Variants in STAC2 observed in about 807,000 individuals in gnomAD.
STAC2 encodes the protein SH3 and cysteine-rich domain-containing protein 2.
STAC2 carries 36 observed loss-of-function variants against 49.0 expected under a neutral mutation model. The ratio of observed to expected loss-of-function variants is 0.74; its 90% CI spans 0.56 to 0.97. STAC2 has a LOEUF of 0.97. Ranked by LOEUF, STAC2 falls within the 50% of genes least tolerant of loss-of-function variation. The pLI is 0.00. For synonymous variants in STAC2, 239 were observed against 214.7 expected (o/e 1.11, Z -0.99); for missense variants, 527 against 543.8 (o/e 0.97, Z 0.31).
In STAC2 at chr17:39,217,906, G is replaced by A. The variant is rs374888495; in HGVS notation, c.358C>T (p.Arg120Ter). The change falls in exon 2 of 11, where the codon CGA becomes TGA. Residue 120 changes from arginine to a stop codon, truncating the protein, a stop_gained. Transcript: ENST00000333461. LOFTEE classifies it high-confidence loss of function. The part of the protein sequence containing the change: ...LHSFQEHVFK[R>*]ASPCELCHQL... ...TGGCACAGCTCACAAGGGCTAGCTC[G>A]CTTGAAGACATGTTCCTGGAAGCTG... 15 of 1,607,026 alleles carry A rather than the reference G, an allele frequency of 9.3e-6. No homozygotes were observed. Among genetic ancestry groups the A allele is most frequent in the East Asian group, 2.2e-5 (1 of 44,608 alleles).
chr17:39,225,818 C>T lies in STAC2; in HGVS notation c.-316G>A, dbSNP rs2046509159. On this transcript the variant is annotated 5_prime_UTR_variant, in exon 1 of 11. Coordinates refer to ENST00000333461, the MANE Select transcript of STAC2 (RefSeq NM_198993.5). This position sits in a 1 kb window ranked among gnomAD's most constrained non-coding sequence, Gnocchi z 8.2. The stretch of plus-strand genomic sequence containing the variant: ...CGCGGGGATGAGCCGAGGGAGGGAG[C>T]CAAGGAGCTGTCCGTGTCCAGCCGG... 2 of 362,084 alleles carry T rather than the reference C, an allele frequency of 5.5e-6. No homozygotes were observed. Among genetic ancestry groups the T allele is most frequent in the Non-Finnish European group, 5.1e-6 (1 of 196,338 alleles). The allele number at this position is 362,084 out of a possible 1,614,324, so 22.4% of individuals were successfully genotyped here.
intron 1 of STAC2, among the ~76,000 whole-genome samples, chr17:39,223,361 C>G (rs2046480124): frequency 6.6e-6 from 1 of 152,206 alleles, no homozygotes; most frequent in South Asian, 2.1e-4. Context: ...CCCGACCCAA[C>G]CCACAGCCCA....
rs574017393 is a variant in STAC2, at chr17:39,217,985, G to T, written c.279C>A (p.Pro93=). 1.3e-6 allele frequency: 2 copies of T among 1,587,184 alleles called. No individual in the cohort carries two copies. Among genetic ancestry groups the T allele is most frequent in the African/African-American group, 1.3e-5 (1 of 74,606 alleles). ...ASDRGLATPS[P]SPCPVPRPLA... ...GGGGGCGTGGGACTGGGCATGGGGA[G>T]GGGGATGGGGTAGCCAGGCCCCTGT... Residue 93 remains proline (P), a synonymous_variant, in exon 2 of 11, where the codon CCC becomes CCA. Transcript: ENST00000333461.
Position 39,212,312 on chromosome 17 carries a change from C to T in STAC2, c.1216G>A (p.Asp406Asn), listed in dbSNP as rs571015047. 9 of 1,610,924 alleles carry T rather than the reference C, an allele frequency of 5.6e-6. No individual in the cohort carries two copies. Among genetic ancestry groups the T allele is most frequent in the South Asian group, 2.2e-5 (2 of 90,284 alleles). ...TCCTCTCAGATCTCAGTCAGGGCGT[C>T]GACTGGCACCAGGCCCCGCTTCTTG... ...SGKKRGLVPV[D>N]ALTEI The change falls in exon 11 of 11, where the codon GAC becomes AAC. Residue 406 changes from aspartate to asparagine, a missense_variant. Physicochemically the swap from Asp to Asn is conservative, Grantham distance 23. Coordinates refer to ENST00000333461, the MANE Select transcript of STAC2 (RefSeq NM_198993.5).
chr17:39,217,050 C>A, intron 3 of STAC2, 26 bp downstream of exon 3: 1 of 1,613,010 alleles, frequency 6.2e-7, no homozygotes, highest in Non-Finnish European at 8.5e-7. Flanking sequence ...ACTCAGCTGG[C>A]CATCTCTGCC....
At chr17:39,212,924 C>T in intron 10 of STAC2, 71 bp downstream of exon 10, 1 of 1,585,268 alleles carries the variant, frequency 6.3e-7, no homozygotes, top group Non-Finnish European at 8.6e-7. Flanking sequence ...TTTACCCCCG[C>T]ACCGCAGCCT....
chr17:39,214,744 C>G (rs771770815), intron 7 of STAC2, 47 bp downstream of exon 7: 2 of 1,601,234 alleles, frequency 1.2e-6, no homozygotes, highest in South Asian at 2.2e-5. Flanking sequence ...AGAAATTACA[C>G]CCGCTTCCCA....
rs1338137989 is a variant in STAC2 at position 39,224,257 on chromosome 17, C to T, written c.90+1156G>A. On this transcript the variant is annotated intron_variant, in intron 1 of 10. Transcript: ENST00000333461. The stretch of plus-strand genomic sequence containing the variant: ...TCCGGAGCCCAGGCTCCCATCATTT[C>T]TGGTCCTCACTGTCCCCTTTCGCCT... Among the ~76,000 whole-genome samples the T allele has an allele frequency of 2.0e-5, 3 of 152,348 alleles. No individual in the cohort carries two copies. In the East Asian group the frequency reaches 5.8e-4, roughly 29 times the overall value.
chr17:39,219,939 C>T (rs979313960), intron 1 of STAC2, among the ~76,000 whole-genome samples: 1 of 152,186 alleles, frequency 6.6e-6, no homozygotes, highest in Non-Finnish European at 1.5e-5. Context: ...GCCTGGCCAC[C>T]CTGCCAAGGG....
Position 39,214,982 on chromosome 17 carries a change from G to A in STAC2, c.741C>T (p.Ile247=). 6.2e-7 allele frequency: 1 copy of A among 1,614,070 alleles called. No homozygotes were observed. Residue 247 remains isoleucine (I), a synonymous_variant, in exon 6 of 11, where the codon ATC becomes ATT. Transcript: ENST00000333461. The part of the protein sequence containing the change: ...DELTEDGEGS[I]RSSEEGPGDS... The stretch of plus-strand genomic sequence containing the variant: ...CACCAGGCCCCTCCTCAGAGCTGCG[G>A]ATGCTGCCTTCCCCATCCTCGGTCA...
intron 1 of STAC2, among the ~76,000 whole-genome samples, chr17:39,221,944 T>G: frequency 6.6e-6 from 1 of 152,178 alleles, no homozygotes. Flanking sequence ...CAAGAGTTGG[T>G]CACCTCTTGT....
At chr17:39,218,260 GGCGGCAGCAGCA>G in intron 1 of STAC2, 87 bp from the exon 2 acceptor site, 2 of 1,411,346 alleles carry the variant, frequency 1.4e-6, no homozygotes, top group Non-Finnish European at 2.0e-6. Context: ...TGGCGGTAGG[GGCGGCAGCAGCA>G]GCAGCAGCAG....
Position 39,225,163 on chromosome 17 carries a change from A to G in STAC2, c.90+250T>C, listed in dbSNP as rs757835000. On this transcript the variant is annotated intron_variant, in intron 1 of 10. Transcript: ENST00000333461. This position sits in a 1 kb window ranked among gnomAD's most constrained non-coding sequence, Gnocchi z 8.2. Reference sequence around the variant, plus strand: ...CGGCCTCGCTGCGCCCATCTCTCCAACGAAGACCAGTGGCCGCCTCCCCAG... The same window carrying G: ...CGGCCTCGCTGCGCCCATCTCTCCAGCGAAGACCAGTGGCCGCCTCCCCAG... Among the ~76,000 whole-genome samples the G allele has an allele frequency of 6.6e-6, 1 of 152,104 alleles. No individual in the cohort carries two copies. The highest frequency in any genetic ancestry group is 1.5e-5 in the Non-Finnish European group (1 of 67,992).
chr17:39,225,573 C>G lies in STAC2; in HGVS notation c.-71G>C. 7.1e-7 allele frequency: 1 copy of G among 1,408,358 alleles called. No individual in the cohort carries two copies. The highest frequency in any genetic ancestry group is 9.9e-7 in the Non-Finnish European group (1 of 1,011,040). 87.2% of individuals were successfully genotyped at this position (1,408,358 alleles called of 1,614,324 possible). A position where few individuals can be genotyped will look rare whatever the true frequency, so the allele number is the denominator to read the frequency against. ...CCCACCGCGGGCAGGCTGCGGGTGG[C>G]GGGCGTCTCCGGGACTCTGAAGCCG... On this transcript the variant is annotated 5_prime_UTR_variant, in exon 1 of 11. Coordinates refer to ENST00000333461, the MANE Select transcript of STAC2 (RefSeq NM_198993.5). This position sits in a 1 kb window ranked among gnomAD's most constrained non-coding sequence, Gnocchi z 8.2.
At chr17:39,221,364 G>A (rs540474038) in intron 1 of STAC2, among the ~76,000 whole-genome samples, 45 of 152,280 alleles carry the variant, frequency 3.0e-4, no homozygotes, top group Non-Finnish European at 4.6e-4. Flanking sequence ...CTCCCAAAGT[G>A]CTGGGATTAC....
Position 39,225,304 on chromosome 17 carries a change from G to T in STAC2, c.90+109C>A, listed in dbSNP as rs1400358291. ...AGCGGCGCGGAGCCTCAGTGGTCAC[G>T]CGGGCCTCGCGACCGCGACCCTAGG... On this transcript the variant is annotated intron_variant, in intron 1 of 10. Transcript: ENST00000333461. The surrounding 1 kb of genome is among the most constrained non-coding windows in gnomAD (Gnocchi z 8.2). 1.0e-4 allele frequency: 89 copies of T among 884,602 alleles called. No homozygotes were observed. Among genetic ancestry groups the T allele is most frequent in the Non-Finnish European group, 1.4e-4 (83 of 609,848 alleles). The allele number at this position is 884,602 out of a possible 1,614,324, so 54.8% of individuals were successfully genotyped here. A position where few individuals can be genotyped will look rare whatever the true frequency, so the allele number is the denominator to read the frequency against.
In STAC2 at chr17:39,225,393, C is replaced by A. The variant is rs531456715; in HGVS notation, c.90+20G>T. 3 of 1,591,078 alleles carry A rather than the reference C, an allele frequency of 1.9e-6. No individual in the cohort carries two copies. The highest frequency in any genetic ancestry group is 2.7e-5 in the African/African-American group (2 of 72,960). ...CGCCCGGGCCCGGGGCGCGGACAGG[C>A]CTTGCGCCCCCCAAGTTACCTTGGT... On this transcript the variant is annotated intron_variant, in intron 1 of 10. Transcript: ENST00000333461. This position sits in a 1 kb window ranked among gnomAD's most constrained non-coding sequence, Gnocchi z 8.2.
At position 39,225,718 on chromosome 17, in the gene STAC2, G is replaced by T. The variant is rs180780608; in HGVS notation, c.-216C>A. The stretch of plus-strand genomic sequence containing the variant: ...GGCCACCACGCTGAGCCGCAGGAGC[G>T]GGACGACCCCGGGCGCGAGGACCGA... On this transcript the variant is annotated 5_prime_UTR_variant, in exon 1 of 11. Coordinates refer to ENST00000333461, the MANE Select transcript of STAC2 (RefSeq NM_198993.5). The surrounding 1 kb of genome is among the most constrained non-coding windows in gnomAD (Gnocchi z 8.2). 3.1e-5 allele frequency: 18 copies of T among 584,286 alleles called. No individual in the cohort carries two copies. Among genetic ancestry groups the T allele is most frequent in the Non-Finnish European group, 4.8e-5 (16 of 331,220 alleles). 36.2% of individuals were successfully genotyped at this position (584,286 alleles called of 1,614,324 possible).
rs1252906989 is a variant in STAC2 at position 39,216,874 on chromosome 17, A to ACTGAAGTTG, written c.513_521dup (p.Asn172_Ser174dup). Reference sequence around the variant, plus strand: ...GCGGCTCATGCACCAGGAGAGGGGAACTGAAGTTGCGGCGGAAGGAGGTGG... The same window carrying ACTGAAGTTG: ...GCGGCTCATGCACCAGGAGAGGGGAACTGAAGTTGCTGAAGTTGCGGCGGAAGGAGGTGG... On this transcript the variant is annotated inframe_insertion, in exon 4 of 11. Transcript: ENST00000333461. 5 of 1,604,706 alleles carry ACTGAAGTTG rather than the reference A, an allele frequency of 3.1e-6. No homozygotes were observed. In the African/African-American group the frequency reaches 6.7e-5, roughly 21 times the overall value.
Sources: gnomAD v4.1 joint callset for allele counts (sites outside exome capture counted in the v4.1 genomes callset) on GRCh38, gnomAD v4.1.1 for gene constraint, Gnocchi (gnomAD v3.1) non-coding constraint, MANE v1.5 for transcripts, NCBI Gene and HGNC (gene_info 2026-07-23, HGNC 2026-07-21) for gene names.